MIPOL1: variants seen among roughly 807,000 people sequenced by gnomAD.
The protein encoded by MIPOL1 is mirror-image polydactyly gene 1 protein.
A neutral mutation model predicts 60.9 loss-of-function variants in MIPOL1; 57 were observed. The observed-to-expected ratio is 0.94, with a 90% CI of 0.76 to 1.17. The LOEUF is 1.17. Among genes scored for constraint, MIPOL1 ranks in the 50% most tolerant of loss-of-function variants. MIPOL1 has a pLI of 0.00. For synonymous variants in MIPOL1, 179 were observed against 168.8 expected (o/e 1.06, Z -0.47); for missense variants, 551 against 511.6 (o/e 1.08, Z -0.74).
intron 9 of MIPOL1, among the ~76,000 whole-genome samples, chr14:37,359,024 AG>A (rs1422047220): frequency 6.6e-6 from 1 of 152,172 alleles, no homozygotes; most frequent in African/African-American, 2.4e-5. Context: ...GGTATAAGGA[AG>A]GGATCCAGTT....
chr14:37,517,166 A>G (rs1413776213), intron 12 of MIPOL1, among the ~76,000 whole-genome samples: 3 of 152,176 alleles, frequency 2.0e-5, no homozygotes, highest in African/African-American at 7.2e-5. Flanking sequence ...TACTTGCTCT[A>G]ATCTAGTTCA....
intron 12 of MIPOL1, among the ~76,000 whole-genome samples, chr14:37,527,552 C>T (rs2095455427): frequency 6.6e-6 from 1 of 151,974 alleles, no homozygotes; most frequent in Admixed American, 6.5e-5. Context: ...TGCAAATATC[C>T]TTCAGGGATA....
chr14:37,537,067 C>G (rs1008785516), intron 12 of MIPOL1, among the ~76,000 whole-genome samples: 2 of 152,116 alleles, frequency 1.3e-5, no homozygotes, highest in African/African-American at 4.8e-5. Flanking sequence ...ACATAAAGCT[C>G]TAAATTTAGC....
chr14:37,227,827 A>G (rs1309209542), intron 1 of MIPOL1: 1 of 152,150 alleles, frequency 6.6e-6, no homozygotes, highest in Admixed American at 6.5e-5. Context: ...AGCTCATAGA[A>G]TGCCTTTAAT....
At chr14:37,542,209 C>T (rs2095532416) in intron 12 of MIPOL1, among the ~76,000 whole-genome samples, 1 of 152,210 alleles carries the variant, frequency 6.6e-6, no homozygotes, top group African/African-American at 2.4e-5. Flanking sequence ...TCTTGGAGTT[C>T]TCATCTCTGG....
intron 12 of MIPOL1, among the ~76,000 whole-genome samples, chr14:37,522,749 A>G (rs1388800904): frequency 6.6e-6 from 1 of 152,172 alleles, no homozygotes; most frequent in African/African-American, 2.4e-5. Flanking sequence ...TTTATCGTGT[A>G]GTATAAATTG....
chr14:37,456,733 G>A (rs921496757), intron 11 of MIPOL1, among the ~76,000 whole-genome samples: 1 of 152,044 alleles, frequency 6.6e-6, no homozygotes, highest in Admixed American at 6.6e-5. Context: ...CATATAGGCA[G>A]TGATTACCAG....
At chr14:37,422,823 A>T in intron 10 of MIPOL1, 32 bp from the exon 11 acceptor site, 1 of 1,411,474 alleles carries the variant, frequency 7.1e-7, no homozygotes, top group Non-Finnish European at 9.9e-7. Flanking sequence ...CAAAATGAAT[A>T]CTGAATTTCT....
intron 10 of MIPOL1, among the ~76,000 whole-genome samples, chr14:37,378,306 A>T (rs1043821336): frequency 1.3e-5 from 2 of 152,116 alleles, no homozygotes; most frequent in Admixed American, 1.3e-4. Flanking sequence ...AGGTCAACAG[A>T]TGAATGTCCA....
rs573767379 is a variant in MIPOL1, at chr14:37,426,327, A to C, written c.1031+3378A>C. On this transcript the variant is annotated intron_variant, in intron 11 of 12. Transcript: ENST00000684589. ...AGTAGGGGTCAGTGTTGGCTTCTGA[A>C]CATGAGAGGGTGGGCAGATCACCTG... is the stretch of plus-strand genomic sequence containing the variant. Among the ~76,000 whole-genome samples, 449 of 151,712 alleles carry C rather than the reference A, an allele frequency of 3.0e-3. 3 individuals carry two copies. The highest frequency in any genetic ancestry group is 9.3e-3 in the African/African-American group (384 of 41,398).
In MIPOL1 at chr14:37,547,237, T is replaced by C. The variant is rs2095550711; in HGVS notation, c.*266T>C. On this transcript the variant is annotated 3_prime_UTR_variant, in exon 13 of 13. Transcript: ENST00000684589. ...CAGCTTATTTTGTAACTATTTTATA[T>C]CTCAATATCTTTAATATAAATCTTT... is the stretch of plus-strand genomic sequence containing the variant. 5.3e-6 allele frequency: 2 copies of C among 376,702 alleles called. No individual in the cohort carries two copies. Among genetic ancestry groups the C allele is most frequent in the South Asian group, 5.9e-5 (1 of 16,896 alleles). The allele number at this position is 376,702 out of a possible 1,614,324, so 23.3% of individuals were successfully genotyped here. A position where few individuals can be genotyped will look rare whatever the true frequency, so the allele number is the denominator to read the frequency against.
intron 12 of MIPOL1, chr14:37,506,810 A>T (rs1704356935): frequency 1.3e-5 from 2 of 152,194 alleles, no homozygotes; most frequent in Admixed American, 1.3e-4. Context: ...GTGAACAGGC[A>T]ACCTACAGAA....
At chr14:37,270,078 C>G (rs2083179245) in intron 5 of MIPOL1, among the ~76,000 whole-genome samples, 1 of 152,142 alleles carries the variant, frequency 6.6e-6, no homozygotes. Context: ...ATCTGCCCAC[C>G]TCGGCCTCCC....
chr14:37,327,085 G>A (rs1418543009), intron 9 of MIPOL1, among the ~76,000 whole-genome samples: 2 of 152,124 alleles, frequency 1.3e-5, no homozygotes. Context: ...ATTTAGAAGT[G>A]AAGAGAGATG....
intron 9 of MIPOL1, among the ~76,000 whole-genome samples, chr14:37,347,383 TAG>T (rs1398394394): frequency 6.6e-6 from 1 of 151,576 alleles, no homozygotes; most frequent in Non-Finnish European, 1.5e-5. Context: ...AAATGAAGAG[TAG>T]ATACGGCTGA....
chr14:37,299,423 AAAACTT>A (rs1488561966), intron 7 of MIPOL1, among the ~76,000 whole-genome samples: 1 of 150,818 alleles, frequency 6.6e-6, no homozygotes, highest in Admixed American at 6.7e-5. Flanking sequence ...CATGTACCCT[AAAACTT>A]AAAGTATAAT....
chr14:37,316,649 G>T (rs1399009106), intron 9 of MIPOL1, among the ~76,000 whole-genome samples: 5 of 144,394 alleles, frequency 3.5e-5, no homozygotes, highest in Non-Finnish European at 6.0e-5. Flanking sequence ...TGTGGTTGTT[G>T]TATTGATAAA....
chr14:37,378,774 A>T (rs1038311787), intron 10 of MIPOL1, among the ~76,000 whole-genome samples: 2 of 152,016 alleles, frequency 1.3e-5, no homozygotes, highest in African/African-American at 4.8e-5. Flanking sequence ...TATACAGGCC[A>T]CTAAAATTGA....
intron 3 of MIPOL1, among the ~76,000 whole-genome samples, chr14:37,255,411 T>A (rs1241882792): frequency 1.3e-5 from 2 of 151,838 alleles, no homozygotes; most frequent in African/African-American, 4.8e-5. Context: ...GTATTTTAAA[T>A]ACATTTTTAA....
Sources: gnomAD v4.1 joint callset for allele counts (sites outside exome capture counted in the v4.1 genomes callset) on GRCh38, gnomAD v4.1.1 for gene constraint, MANE v1.5 for transcripts, NCBI Gene and HGNC (gene_info 2026-07-23, HGNC 2026-07-21) for gene names.